The following RBFOX1 variants were observed in gnomAD, a reference collection of about 807,000 sequenced individuals.
RBFOX1 encodes the protein RNA binding protein fox-1 homolog 1.
A neutral mutation model predicts 57.7 loss-of-function variants in RBFOX1; 8 were observed. The observed-to-expected ratio is 0.14, with a 90% CI of 0.08 to 0.25. RBFOX1 has a LOEUF of 0.25. Among genes scored for constraint, RBFOX1 ranks in the 10% least tolerant of loss-of-function variants. The probability of loss-of-function intolerance (pLI) is 1.00; values close to 1 mark genes in which losing one functional copy is unlikely to be tolerated. For missense variants in RBFOX1, 611 were observed against 548.5 expected (o/e 1.11, Z -1.14); for synonymous variants, 326 against 222.4 (o/e 1.47, Z -4.15).
chr16:6,283,187 C>T (rs2076570549), intron 1 of RBFOX1, among the ~76,000 whole-genome samples: 1 of 152,010 alleles, frequency 6.6e-6, no homozygotes, highest in South Asian at 2.1e-4. Context: ...ATTAGTTGGG[C>T]TTGGTGACTG....
intron 1 of RBFOX1, among the ~76,000 whole-genome samples, chr16:5,354,599 G>A (rs889897873): frequency 6.6e-5 from 10 of 152,226 alleles, no homozygotes; most frequent in South Asian, 4.1e-4. Context: ...ATCTTAAGCC[G>A]CTTTTCCAGG....
intron 3 of RBFOX1, among the ~76,000 whole-genome samples, chr16:6,878,692 A>G (rs1367461030): frequency 6.6e-6 from 1 of 152,210 alleles, no homozygotes; most frequent in Non-Finnish European, 1.5e-5. Flanking sequence ...AGCAAGAAAC[A>G]GAAAGTAACA....
intron 3 of RBFOX1, among the ~76,000 whole-genome samples, chr16:6,658,209 A>T (rs1412058092): frequency 6.6e-6 from 1 of 151,916 alleles, no homozygotes; most frequent in African/African-American, 2.4e-5. Context: ...ATAGAAGATA[A>T]ACTGTGAATT....
chr16:6,865,083 A>ACCTCCG (rs1204969225), intron 3 of RBFOX1, among the ~76,000 whole-genome samples: 3 of 138,054 alleles, frequency 2.2e-5, no homozygotes, highest in Non-Finnish European at 4.5e-5. Context: ...GCTCACTGCA[A>ACCTCCG]CCTCCGCCTC....
At chr16:6,438,252 A>G (rs2094289654) in intron 2 of RBFOX1, among the ~76,000 whole-genome samples, 1 of 152,210 alleles carries the variant, frequency 6.6e-6, no homozygotes, top group Non-Finnish European at 1.5e-5. Flanking sequence ...TCTGTGCCTC[A>G]CAGGTATTAA....
intron 3 of RBFOX1, among the ~76,000 whole-genome samples, chr16:6,829,622 G>A (rs2092546005): frequency 6.6e-6 from 1 of 151,652 alleles, no homozygotes; most frequent in Non-Finnish European, 1.5e-5. Flanking sequence ...GTTTTTTTAA[G>A]ACGGAGTCTC....
intron 1 of RBFOX1, among the ~76,000 whole-genome samples, chr16:5,372,890 T>C (rs915748322): frequency 7.2e-5 from 11 of 152,238 alleles, no homozygotes; most frequent in African/African-American, 2.4e-4. Flanking sequence ...ACACTCTGCA[T>C]GTTAGCATGA....
intron 3 of RBFOX1, among the ~76,000 whole-genome samples, chr16:6,807,294 C>A (rs377530382): frequency 6.6e-6 from 1 of 151,970 alleles, no homozygotes; most frequent in African/African-American, 2.4e-5. Context: ...ACAGCAGATT[C>A]AAGAGTTCTA....
chr16:6,609,949 C>G (rs926666352), intron 2 of RBFOX1, among the ~76,000 whole-genome samples: 2 of 151,828 alleles, frequency 1.3e-5, no homozygotes, highest in South Asian at 2.1e-4. Flanking sequence ...TGGAGGTTGC[C>G]GTGAGCCGAG....
chr16:7,481,679 G>A (rs77437484), intron 4 of RBFOX1, among the ~76,000 whole-genome samples: 1,972 of 152,228 alleles, frequency 0.013, 36 homozygotes, highest in African/African-American at 0.043. Flanking sequence ...AGAATGCTTT[G>A]AGTATGACAT....
At chr16:6,870,082 C>G (rs925461828) in intron 3 of RBFOX1, among the ~76,000 whole-genome samples, 1 of 152,046 alleles carries the variant, frequency 6.6e-6, no homozygotes, top group African/African-American at 2.4e-5. Flanking sequence ...ATTTACTAAT[C>G]CTTCTTTTTG....
chr16:7,677,433 T>G (rs768492790), intron 14 of RBFOX1, among the ~76,000 whole-genome samples: 1 of 152,130 alleles, frequency 6.6e-6, no homozygotes, highest in Non-Finnish European at 1.5e-5. Context: ...TTATTTGTAA[T>G]GTACACCACA....
At chr16:6,938,887 G>A (rs2077831579) in intron 3 of RBFOX1, among the ~76,000 whole-genome samples, 3 of 152,120 alleles carry the variant, frequency 2.0e-5, no homozygotes, top group South Asian at 4.1e-4. Context: ...AGCCGAGATT[G>A]CACCACTGCA....
chr16:7,011,091 G>C (rs964143526), intron 3 of RBFOX1, among the ~76,000 whole-genome samples: 2 of 151,564 alleles, frequency 1.3e-5, no homozygotes, highest in Non-Finnish European at 2.9e-5. Context: ...TCCTGGGTGG[G>C]AAAGGGTCAC....
intron 3 of RBFOX1, among the ~76,000 whole-genome samples, chr16:5,690,560 G>C (rs923135657): frequency 9.1e-5 from 12 of 132,378 alleles, no homozygotes; most frequent in Non-Finnish European, 2.2e-4. Context: ...TGGCCAGTCT[G>C]CTTGAAAACA....
At chr16:7,395,143 G>C (rs2098120248) in intron 4 of RBFOX1, among the ~76,000 whole-genome samples, 1 of 151,504 alleles carries the variant, frequency 6.6e-6, no homozygotes, top group African/African-American at 2.4e-5. Flanking sequence ...GCTGACTACA[G>C]CATATTTCCA....
chr16:6,581,146 C>G (rs1216352343), intron 2 of RBFOX1, among the ~76,000 whole-genome samples: 9 of 152,080 alleles, frequency 5.9e-5, no homozygotes, highest in Admixed American at 2.6e-4. Context: ...CGTGGGACAA[C>G]CAGAGTCTAA....
chr16:5,319,306 C>G (rs557499168), intron 1 of RBFOX1, among the ~76,000 whole-genome samples: 149 of 152,286 alleles, frequency 9.8e-4, no homozygotes, highest in Non-Finnish European at 1.1e-3. Flanking sequence ...TGATGGATGA[C>G]TAGGAGCCAA....
intron 1 of RBFOX1, among the ~76,000 whole-genome samples, chr16:6,190,517 C>T (rs2152808243): frequency 1.3e-5 from 2 of 152,274 alleles, no homozygotes; most frequent in South Asian, 4.1e-4. Flanking sequence ...AATAAAAGGA[C>T]TTACTCCATA....
Sources: allele counts gnomAD v4.1 joint callset (sites outside exome capture counted in the v4.1 genomes callset), GRCh38; gene constraint gnomAD v4.1.1; transcripts MANE v1.5; gene names NCBI Gene and HGNC (gene_info 2026-07-23, HGNC 2026-07-21).